Variants in GAREM1 observed in about 807,000 individuals in gnomAD.
GAREM1 encodes GRB2 associated regulator of MAPK1 subtype 1, also known as GRB2-associated and regulator of MAPK protein 1.
In GAREM1, 26 loss-of-function variants were observed where a neutral mutation model predicts 71.3. The observed-to-expected ratio is 0.36, with a 90% CI of 0.27 to 0.51. GAREM1 has a LOEUF of 0.51. GAREM1 is among the 20% of genes least tolerant of loss of function. The probability of loss-of-function intolerance (pLI) is 0.95; values close to 1 mark genes in which losing one functional copy is unlikely to be tolerated. For synonymous variants in GAREM1, 440 were observed against 433.2 expected (o/e 1.02, Z -0.20); for missense variants, 1,026 against 1,103.1 (o/e 0.93, Z 0.99).
chr18:32,365,118 A>C (rs1257449463), intron 2 of GAREM1, among the ~76,000 whole-genome samples: 1 of 152,148 alleles, frequency 6.6e-6, no homozygotes, highest in Non-Finnish European at 1.5e-5. Context: ...AATTTTTTTA[A>C]ATGAGCGGAG....
At chr18:32,467,152 T>C (rs1172350845) in intron 1 of GAREM1, among the ~76,000 whole-genome samples, 4 of 152,100 alleles carry the variant, frequency 2.6e-5, no homozygotes, top group Non-Finnish European at 2.9e-5. Context: ...CAAACCCCAA[T>C]GTTTTTTTTC....
chr18:32,455,083 T>C lies in GAREM1; in HGVS notation c.121+15225A>G, dbSNP rs147613625. The stretch of plus-strand genomic sequence containing the variant: ...GGAATCCAGGATCGAGGTTTTGTTA[T>C]AATCTTACACAAAGGTTATGTAGTA... On this transcript the variant is annotated intron_variant, in intron 1 of 5. Coordinates refer to ENST00000269209, the MANE Select transcript of GAREM1 (RefSeq NM_001242409.2). Among the ~76,000 whole-genome samples the C allele has an allele frequency of 4.1e-3, 630 of 152,356 alleles. 4 individuals carry two copies. The highest frequency in any genetic ancestry group is 0.014 in the African/African-American group (580 of 41,586).
At chr18:32,395,022 T>A (rs1447939112) in intron 1 of GAREM1, among the ~76,000 whole-genome samples, 1 of 152,244 alleles carries the variant, frequency 6.6e-6, no homozygotes, top group Non-Finnish European at 1.5e-5. Context: ...GTATGCTTTT[T>A]TCCCTCTAAA....
At chr18:32,418,025 TGAATATG>T (rs2048481160) in intron 1 of GAREM1, among the ~76,000 whole-genome samples, 2 of 152,060 alleles carry the variant, frequency 1.3e-5, no homozygotes, top group Admixed American at 1.3e-4. Flanking sequence ...ATTAAAAAAA[TGAATATG>T]GAAAACTTTC....
At chr18:32,422,925 G>C (rs1320007118) in intron 1 of GAREM1, among the ~76,000 whole-genome samples, 1 of 152,224 alleles carries the variant, frequency 6.6e-6, no homozygotes, top group African/African-American at 2.4e-5. Flanking sequence ...AGTGGCGACA[G>C]CAAGACTAGA....
chr18:32,363,758 C>T (rs907658926), intron 2 of GAREM1, among the ~76,000 whole-genome samples: 3 of 151,664 alleles, frequency 2.0e-5, no homozygotes, highest in Non-Finnish European at 1.5e-5. Flanking sequence ...CAGTCATCAA[C>T]ATGTAAAAGG....
intron 2 of GAREM1, among the ~76,000 whole-genome samples, chr18:32,364,005 TATA>T (rs2047894987): frequency 2.3e-5 from 1 of 43,296 alleles, no homozygotes; most frequent in African/African-American, 1.3e-4. Context: ...CATATATATA[TATA>T]TATATATATA....
chr18:32,421,423 C>T (rs1365434450), intron 1 of GAREM1, among the ~76,000 whole-genome samples: 1 of 152,200 alleles, frequency 6.6e-6, no homozygotes, highest in African/African-American at 2.4e-5. Flanking sequence ...TAACATCCAT[C>T]TAAACTGGTT....
At chr18:32,371,974 A>AGTTATGAAGTAAATGAGAG (rs1378842272) in intron 2 of GAREM1, among the ~76,000 whole-genome samples, 1 of 152,212 alleles carries the variant, frequency 6.6e-6, no homozygotes, top group Admixed American at 6.5e-5. Context: ...GACCACAATG[A>AGTTATGAAGTAAATGAGAG]GTTATGAAGT....
At chr18:32,405,676 C>T (rs1312882203) in intron 1 of GAREM1, among the ~76,000 whole-genome samples, 1 of 152,186 alleles carries the variant, frequency 6.6e-6, no homozygotes, top group Non-Finnish European at 1.5e-5. Context: ...ACATTTCCTA[C>T]TTCCTGTCCT....
intron 1 of GAREM1, among the ~76,000 whole-genome samples, chr18:32,443,208 G>C (rs2048756169): frequency 6.6e-6 from 1 of 152,130 alleles, no homozygotes; most frequent in Non-Finnish European, 1.5e-5. Context: ...AAAGCTAGCA[G>C]TAAATCTTTG....
chr18:32,430,252 T>C (rs761321053), intron 1 of GAREM1, among the ~76,000 whole-genome samples: 3 of 152,122 alleles, frequency 2.0e-5, no homozygotes, highest in Non-Finnish European at 4.4e-5. Context: ...TCTTACCAAA[T>C]GAATCAACTA....
intron 2 of GAREM1, among the ~76,000 whole-genome samples, chr18:32,316,144 T>C (rs1416954054): frequency 6.6e-6 from 1 of 152,196 alleles, no homozygotes; most frequent in Non-Finnish European, 1.5e-5. Flanking sequence ...CATGGGAGCA[T>C]GTATAAGAAA....
chr18:32,285,009 A>G (rs1482632483), intron 4 of GAREM1, among the ~76,000 whole-genome samples: 3 of 152,092 alleles, frequency 2.0e-5, no homozygotes, highest in Non-Finnish European at 4.4e-5. Flanking sequence ...TCGGCCTCCC[A>G]AAGTGCTGGG....
At chr18:32,454,515 GCAAAATTTTAATGCTGAATTGGCTTCA>G (rs1437114951) in intron 1 of GAREM1, among the ~76,000 whole-genome samples, 1 of 152,130 alleles carries the variant, frequency 6.6e-6, no homozygotes, top group Non-Finnish European at 1.5e-5. Flanking sequence ...TGATTTCCCA[GCAAAATTTTAATGCTGAATTGGCTTCA>G]CAAGCCTCAG....
At chr18:32,439,869 C>T (rs983834777) in intron 1 of GAREM1, among the ~76,000 whole-genome samples, 6 of 152,140 alleles carry the variant, frequency 3.9e-5, no homozygotes, top group African/African-American at 1.4e-4. Context: ...CCTTTATTTA[C>T]ACTCAGTGAC....
At chr18:32,405,244 G>A (rs2048354480) in intron 1 of GAREM1, among the ~76,000 whole-genome samples, 1 of 151,656 alleles carries the variant, frequency 6.6e-6, no homozygotes, top group Non-Finnish European at 1.5e-5. Flanking sequence ...TATCACCCAG[G>A]CTCAAGTGCA....
intron 1 of GAREM1, among the ~76,000 whole-genome samples, chr18:32,454,180 G>C (rs886442699): frequency 6.6e-6 from 1 of 151,732 alleles, no homozygotes; most frequent in East Asian, 1.9e-4. Context: ...CCTGTATTGG[G>C]ACATTCACAA....
intron 1 of GAREM1, among the ~76,000 whole-genome samples, chr18:32,468,960 T>TCCCCCCCCCCCCCCCCCCCCCCCCCCCC (rs34977174): frequency 3.7e-5 from 3 of 82,164 alleles, no homozygotes; most frequent in Admixed American, 1.3e-4. Flanking sequence ...CACCTGTGCG[T>TCCCCCCCCCCCCCCCCCCCCCCCCCCCC]CCCCCCCCCC....
Sources: allele counts gnomAD v4.1 joint callset (sites outside exome capture counted in the v4.1 genomes callset), GRCh38; gene constraint gnomAD v4.1.1; transcripts MANE v1.5; gene names NCBI Gene and HGNC (gene_info 2026-07-23, HGNC 2026-07-21).